Variants in NBDY observed in about 807,000 individuals in gnomAD.
NBDY encodes negative regulator of P-body association.
At chrX:56,748,621 A>T (rs370252974) in intron 2 of NBDY, among the ~76,000 whole-genome samples, 106 of 108,511 alleles carry the variant, frequency 9.8e-4, no homozygotes, top group African/African-American at 3.4e-3. Context: ...ATAAAGGAGT[A>T]ATAGGATGAG....
chrX:56,741,618 C>T (rs891514786), intron 2 of NBDY, among the ~76,000 whole-genome samples: 5 of 111,767 alleles, frequency 4.5e-5, no homozygotes, highest in Non-Finnish European at 7.6e-5. Flanking sequence ...TTTTCACATG[C>T]CTGTTTGCCA....
intron 2 of NBDY, among the ~76,000 whole-genome samples, chrX:56,734,043 G>A (rs2069473593): frequency 8.9e-6 from 1 of 112,137 alleles, no homozygotes; most frequent in African/African-American, 3.2e-5. Flanking sequence ...AGTCCTTAGA[G>A]TAAATAGCTA....
At chrX:56,792,348 C>T (rs1029095083) in intron 2 of NBDY, among the ~76,000 whole-genome samples, 2 of 111,517 alleles carry the variant, frequency 1.8e-5, no homozygotes, top group African/African-American at 6.5e-5. Flanking sequence ...AACTTGTCCT[C>T]TGTCTCTTTT....
At chrX:56,807,944 C>A (rs1408766266) in intron 2 of NBDY, among the ~76,000 whole-genome samples, 3 of 111,800 alleles carry the variant, frequency 2.7e-5, no homozygotes, top group African/African-American at 3.3e-5. Flanking sequence ...ATGATATTGG[C>A]TGTGGGTTTG....
chrX:56,737,342 T>G, intron 2 of NBDY: 1 of 751,861 alleles, frequency 1.3e-6, no homozygotes, highest in East Asian at 3.2e-5. Context: ...GGTCCACTGC[T>G]CTTTAGGCAA....
intron 2 of NBDY, among the ~76,000 whole-genome samples, chrX:56,797,773 C>T (rs1247744820): frequency 9.0e-6 from 1 of 111,230 alleles, no homozygotes; most frequent in Non-Finnish European, 1.9e-5. Context: ...AATTTGCCCA[C>T]TCTCACTCAC....
intron 2 of NBDY, among the ~76,000 whole-genome samples, chrX:56,783,826 C>G (rs1319208991): frequency 8.9e-6 from 1 of 112,644 alleles, no homozygotes; most frequent in Non-Finnish European, 1.9e-5. Context: ...CAGAATAAAA[C>G]AAAAACACAC....
chrX:56,806,396 C>T (rs1437359412), intron 2 of NBDY, among the ~76,000 whole-genome samples: 3 of 112,126 alleles, frequency 2.7e-5, no homozygotes, highest in Admixed American at 9.4e-5. Flanking sequence ...AATTGCCACA[C>T]TGTCTTCCAG....
At chrX:56,730,062 T>G (rs750053500) in intron 1 of NBDY, among the ~76,000 whole-genome samples, 5 of 110,209 alleles carry the variant, frequency 4.5e-5, no homozygotes, top group Non-Finnish European at 7.6e-5. Context: ...CAGAAGTGTA[T>G]GTCTTTCTCT....
chrX:56,763,189 A>G (rs888756139), intron 2 of NBDY, among the ~76,000 whole-genome samples: 9 of 112,483 alleles, frequency 8.0e-5, no homozygotes, highest in Non-Finnish European at 1.5e-4. Context: ...ATCCTGGGTC[A>G]AGCTGCTTAA....
At chrX:56,752,191 A>G in intron 2 of NBDY, among the ~76,000 whole-genome samples, 1 of 112,153 alleles carries the variant, frequency 8.9e-6, no homozygotes, top group East Asian at 2.8e-4. Context: ...TTTTGGTATA[A>G]TGATCTATTT....
intron 2 of NBDY, among the ~76,000 whole-genome samples, chrX:56,760,484 G>A (rs780436808): frequency 5.3e-5 from 6 of 112,404 alleles, no homozygotes; most frequent in African/African-American, 1.9e-4. Context: ...TCAGGAGCTC[G>A]AGACCAGCTT....
chrX:56,783,813 G>A (rs1182595372), intron 2 of NBDY, among the ~76,000 whole-genome samples: 1 of 112,269 alleles, frequency 8.9e-6, no homozygotes, highest in Admixed American at 9.4e-5. Context: ...CATTTGTTGC[G>A]AACAGAATAA....
At chrX:56,748,773 G>A (rs1346092336) in intron 2 of NBDY, among the ~76,000 whole-genome samples, 2 of 100,991 alleles carry the variant, frequency 2.0e-5, no homozygotes, top group East Asian at 3.1e-4. Context: ...AACGGTTTCC[G>A]TGTTGTGAGA....
intron 2 of NBDY, among the ~76,000 whole-genome samples, chrX:56,799,439 G>A (rs1392602644): frequency 8.8e-6 from 1 of 113,294 alleles, no homozygotes; most frequent in East Asian, 2.8e-4. Context: ...TGGGCTGACT[G>A]GTCTTGGGGC....
chrX:56,738,178 G>T (rs1328879948), intron 2 of NBDY, among the ~76,000 whole-genome samples: 1 of 111,896 alleles, frequency 8.9e-6, no homozygotes. Context: ...TTTTAATATG[G>T]AACAATTCCT....
In NBDY at chrX:56,738,719, G is replaced by C. The variant is rs2069510679; in HGVS notation, c.*166+6520G>C. ...GCACAGGAGCTTCCATTCCTGTGGA[G>C]TTAGGGTGTGCCACCCTCCTGGCAT... On this transcript the variant is annotated intron_variant, in intron 2 of 2. Transcript: ENST00000374922. Among the ~76,000 whole-genome samples the C allele has an allele frequency of 2.7e-5, 3 of 111,974 alleles. No individual in the cohort carries two copies. In the South Asian group the frequency reaches 1.1e-3, roughly 42 times the overall value.
intron 2 of NBDY, among the ~76,000 whole-genome samples, chrX:56,811,402 T>A (rs751343021): frequency 6.2e-5 from 7 of 112,098 alleles, no homozygotes; most frequent in African/African-American, 2.3e-4. Context: ...GGGGGTTTTA[T>A]CTATAAGTCC....
chrX:56,803,827 A>G (rs1029504282), intron 2 of NBDY, among the ~76,000 whole-genome samples: 1 of 112,006 alleles, frequency 8.9e-6, no homozygotes, highest in Non-Finnish European at 1.9e-5. Context: ...AACAAAAAGA[A>G]AAGAAAGAAA....
Sources: allele counts gnomAD v4.1 joint callset (sites outside exome capture counted in the v4.1 genomes callset), GRCh38; gene constraint gnomAD v4.1.1; transcripts MANE v1.5; gene names NCBI Gene and HGNC (gene_info 2026-07-23, HGNC 2026-07-21).